The following CSMD2 variants were observed in gnomAD, a reference collection of about 807,000 sequenced individuals.
CSMD2 encodes the protein CUB and sushi domain-containing protein 2.
CSMD2 carries 130 observed loss-of-function variants against 398.5 expected under a neutral mutation model. The ratio of observed to expected loss-of-function variants is 0.33; its 90% CI spans 0.28 to 0.38. The LOEUF (loss-of-function observed/expected upper bound fraction) is 0.38, where lower values mean the gene tolerates loss of function less well. Among genes scored for constraint, CSMD2 ranks in the 10% least tolerant of loss-of-function variants. The probability of loss-of-function intolerance (pLI) is 1.00; values close to 1 mark genes in which losing one functional copy is unlikely to be tolerated. For missense variants in CSMD2, 3,829 were observed against 4,764.9 expected, an observed-to-expected ratio of 0.80 and a Z score of 5.78; for synonymous variants, 1,828 against 1,908.5, an observed-to-expected ratio of 0.96 and a Z score of 1.10.
chr1:33,880,137 T>A (rs1304472484), intron 5 of CSMD2, among the ~76,000 whole-genome samples: 12 of 152,206 alleles, frequency 7.9e-5, no homozygotes, highest in Non-Finnish European at 1.8e-4. Context: ...ATGATTTATC[T>A]AATTTAATGT....
chr1:33,981,643 C>T (rs958363515), intron 3 of CSMD2, among the ~76,000 whole-genome samples: 1 of 152,232 alleles, frequency 6.6e-6, no homozygotes, highest in African/African-American at 2.4e-5. Context: ...GATATGTTGC[C>T]ACTCTCCTGG....
intron 5 of CSMD2, among the ~76,000 whole-genome samples, chr1:33,856,626 G>A (rs1316842242): frequency 1.3e-5 from 2 of 152,098 alleles, no homozygotes; most frequent in Non-Finnish European, 2.9e-5. Flanking sequence ...CTCTGAGTTT[G>A]AGCATCATGT....
In CSMD2 at chr1:34,105,282, G is replaced by A. The variant is rs112109174; in HGVS notation, c.188-16089C>T. 6.0e-3 allele frequency among the ~76,000 whole-genome samples: 919 copies of A among 152,240 alleles called. 9 individuals are homozygous for A. Among genetic ancestry groups the A allele is most frequent in the African/African-American group, 0.021 (874 of 41,526 alleles). ...CTGTCCTGTACATATAGGATGTTTA[G>A]CAGCGTCCCTGACCTCTACCCACTG... is the stretch of plus-strand genomic sequence containing the variant. On this transcript the variant is annotated intron_variant, in intron 1 of 70. Coordinates refer to ENST00000373381, the MANE Select transcript of CSMD2 (RefSeq NM_001281956.2).
intron 1 of CSMD2, among the ~76,000 whole-genome samples, chr1:34,098,597 A>T (rs529600261): frequency 6.6e-6 from 1 of 152,208 alleles, no homozygotes; most frequent in Non-Finnish European, 1.5e-5. Context: ...CAGGTAGGAC[A>T]TGAAATGGTA....
rs75975596 is a variant in CSMD2, at chr1:33,699,215, C to T, written c.3734-271G>A. On this transcript the variant is annotated intron_variant, in intron 23 of 70. Transcript: ENST00000373381. ...CATTTTCTATTTCTTTTGTTTGACC[C>T]CGTAGCATTTTTGCTAGCAGGAGCG... 2.4e-3 allele frequency among the ~76,000 whole-genome samples: 367 copies of T among 152,238 alleles called. 1 individual carries two copies. Among genetic ancestry groups the T allele is most frequent in the African/African-American group, 8.2e-3 (339 of 41,536 alleles).
intron 1 of CSMD2, among the ~76,000 whole-genome samples, chr1:34,106,531 A>AC (rs1192728498): frequency 6.6e-6 from 1 of 151,826 alleles, no homozygotes; most frequent in African/African-American, 2.4e-5. Flanking sequence ...CAACCCTACC[A>AC]CCCTTCCCTC....
rs554754526 is a variant in CSMD2, at chr1:33,750,039, A to C, written c.1847-6433T>G. On this transcript the variant is annotated intron_variant, in intron 13 of 70. Coordinates refer to ENST00000373381, the MANE Select transcript of CSMD2 (RefSeq NM_001281956.2). The stretch of plus-strand genomic sequence containing the variant: ...GTGCTAGAAAATCAAATTCAGCCCT[A>C]CAACAATAAGCCAACATGACCTACA... Among the ~76,000 whole-genome samples, 33 of 152,288 alleles carry C rather than the reference A, an allele frequency of 2.2e-4. No individual in the cohort carries two copies. The East Asian group carries it at 6.0e-3, about 28-fold the overall frequency.
At chr1:33,792,594 A>C in intron 10 of CSMD2, 68 bp from the exon 11 acceptor site, 11 of 1,037,144 alleles carry the variant, frequency 1.1e-5, no homozygotes, top group Non-Finnish European at 6.1e-6. Flanking sequence ...CCTTGAGGGG[A>C]GGAAGGATTT....
chr1:33,777,352 G>A (rs561861052), intron 12 of CSMD2, among the ~76,000 whole-genome samples: 28 of 152,300 alleles, frequency 1.8e-4, no homozygotes, highest in African/African-American at 6.5e-4. Flanking sequence ...TTCCAGGAAG[G>A]CAGAGGGGGC....
At chr1:34,033,326 T>C (rs1193658422) in intron 2 of CSMD2, among the ~76,000 whole-genome samples, 1 of 152,232 alleles carries the variant, frequency 6.6e-6, no homozygotes, top group African/African-American at 2.4e-5. Context: ...ACAAATGGGA[T>C]CAAACTGTGC....
intron 44 of CSMD2, among the ~76,000 whole-genome samples, chr1:33,590,986 T>C (rs1639405083): frequency 7.1e-6 from 1 of 140,130 alleles, no homozygotes. Flanking sequence ...TTTATCTTTT[T>C]TTTTTTTTTT....
At chr1:33,536,563 A>G (rs1655807509) in intron 62 of CSMD2, among the ~76,000 whole-genome samples, 1 of 152,164 alleles carries the variant, frequency 6.6e-6, no homozygotes, top group Non-Finnish European at 1.5e-5. Flanking sequence ...CAGACTGTCC[A>G]GGTTCTCTCC....
At chr1:33,960,085 C>T (rs910446034) in intron 3 of CSMD2, among the ~76,000 whole-genome samples, 7 of 152,160 alleles carry the variant, frequency 4.6e-5, no homozygotes, top group African/African-American at 1.7e-4. Context: ...ACAGTGAGGA[C>T]CCTACCCTGC....
chr1:33,641,362 CA>C (rs1362672583), intron 29 of CSMD2, among the ~76,000 whole-genome samples: 1 of 152,180 alleles, frequency 6.6e-6, no homozygotes, highest in Admixed American at 6.5e-5. Context: ...GATGTTTCAG[CA>C]CATTCCTGCC....
At chr1:34,129,583 C>T (rs1290511094) in intron 1 of CSMD2, among the ~76,000 whole-genome samples, 1 of 152,122 alleles carries the variant, frequency 6.6e-6, no homozygotes, top group South Asian at 2.1e-4. Context: ...ACCCGGGAGG[C>T]GGAGCTTGCA....
At position 33,537,333 on chromosome 1, in the gene CSMD2, A is replaced by G; in HGVS notation, c.9805+103T>C. 7.6e-7 allele frequency: 1 copy of G among 1,314,230 alleles called. No homozygotes were observed. Among genetic ancestry groups the G allele is most frequent in the Admixed American group, 2.1e-5 (1 of 48,632 alleles). The allele number at this position is 1,314,230 out of a possible 1,614,324, so 81.4% of individuals were successfully genotyped here. ...GAGGATGAGATGTTCCCTTTTGCAG[A>G]TGAGACCACTGAAGACAGGGAAGGA... On this transcript the variant is annotated intron_variant, in intron 61 of 70. Transcript: ENST00000373381. The surrounding 1 kb of genome is among the most constrained non-coding windows in gnomAD (Gnocchi z 4.6).
intron 49 of CSMD2, among the ~76,000 whole-genome samples, chr1:33,575,503 G>T (rs1659988251): frequency 6.6e-6 from 1 of 152,148 alleles, no homozygotes; most frequent in African/African-American, 2.4e-5. Flanking sequence ...CACGGAACTA[G>T]GATTCCAGAG....
In CSMD2 at chr1:33,633,378, C is replaced by T. The variant is rs772794822; in HGVS notation, c.5200+44G>A. The stretch of plus-strand genomic sequence containing the variant: ...CTCCTTCCTTTAGCCGGACGTGATG[C>T]CCCCGGCCCACAACCATCCCCACAC... On this transcript the variant is annotated intron_variant, in intron 32 of 70. Coordinates refer to ENST00000373381, the MANE Select transcript of CSMD2 (RefSeq NM_001281956.2). This position sits in a 1 kb window ranked among gnomAD's most constrained non-coding sequence, Gnocchi z 5.0. 1 of 1,415,208 alleles carries T rather than the reference C, an allele frequency of 7.1e-7. No homozygotes were observed. The highest frequency in any genetic ancestry group is 9.8e-7 in the Non-Finnish European group (1 of 1,024,574). The allele number at this position is 1,415,208 out of a possible 1,614,324, so 87.7% of individuals were successfully genotyped here.
At chr1:33,773,996 G>T (rs559709992) in intron 12 of CSMD2, among the ~76,000 whole-genome samples, 28 of 152,246 alleles carry the variant, frequency 1.8e-4, no homozygotes, top group African/African-American at 6.0e-4. Flanking sequence ...GGCAGCTCCA[G>T]GCACTGCCTT....
Sources: allele counts gnomAD v4.1 joint callset (sites outside exome capture counted in the v4.1 genomes callset), GRCh38; gene constraint gnomAD v4.1.1; non-coding constraint Gnocchi (gnomAD v3.1); transcripts MANE v1.5; gene names NCBI Gene and HGNC (gene_info 2026-07-23, HGNC 2026-07-21).